Variants in C6 observed in about 807,000 individuals in gnomAD.
The protein encoded by C6 is complement component C6.
A neutral mutation model predicts 112.9 loss-of-function variants in C6; 101 were observed. That is an observed-to-expected ratio of 0.89 (90% CI 0.76 to 1.06). C6 has a LOEUF of 1.06. C6 is among the 50% of genes least tolerant of loss of function. C6 has a pLI of 0.00. For missense variants in C6, 1,202 were observed against 1,104.6 expected (o/e 1.09, Z -1.25); for synonymous variants, 431 against 384.1 (o/e 1.12, Z -1.43).
intron 1 of C6, among the ~76,000 whole-genome samples, chr5:41,240,641 G>T (rs1740646727): frequency 6.6e-6 from 1 of 152,178 alleles, no homozygotes; most frequent in South Asian, 2.1e-4. Flanking sequence ...GGACTGCACA[G>T]ATACCAGCAG....
At chr5:41,210,522 A>G (rs1486415582) in intron 1 of C6, among the ~76,000 whole-genome samples, 1 of 151,478 alleles carries the variant, frequency 6.6e-6, no homozygotes, top group African/African-American at 2.4e-5. Flanking sequence ...AATTTACAAG[A>G]AAAAATCAAA....
chr5:41,171,108 G>T (rs900859828), intron 9 of C6, among the ~76,000 whole-genome samples: 7 of 152,104 alleles, frequency 4.6e-5, no homozygotes, highest in African/African-American at 1.7e-4. Flanking sequence ...ATCCAGGTTG[G>T]AAATACTGAA....
intron 1 of C6, among the ~76,000 whole-genome samples, chr5:41,242,244 G>A (rs1740757287): frequency 1.3e-5 from 2 of 152,098 alleles, no homozygotes; most frequent in Admixed American, 1.3e-4. Context: ...CATGGGGGCG[G>A]TTTCCCCCAT....
intron 1 of C6, among the ~76,000 whole-genome samples, chr5:41,236,875 T>C (rs1195272310): frequency 2.2e-5 from 3 of 135,954 alleles, no homozygotes; most frequent in African/African-American, 8.5e-5. Context: ...ATAGACACAA[T>C]AAAAAATGAT....
chr5:41,215,012 C>G (rs1752147983), upstream of C6, among the ~76,000 whole-genome samples: 1 of 152,130 alleles, frequency 6.6e-6, no homozygotes, highest in Non-Finnish European at 1.5e-5. Flanking sequence ...AACTAAGAAT[C>G]TAGAATCTTT....
chr5:41,239,873 C>T (rs1006449541), intron 1 of C6, among the ~76,000 whole-genome samples: 8 of 152,222 alleles, frequency 5.3e-5, no homozygotes, highest in South Asian at 2.1e-4. Context: ...GGTAACTTTG[C>T]TGGATATAGT....
At position 41,153,853 on chromosome 5, in the gene C6, A is replaced by T. The variant is rs756694997; in HGVS notation, c.2247T>A (p.Asn749Lys). The change falls in exon 15 of 18, where the codon AAT (asparagine) becomes AAA (lysine). Residue 749 changes from asparagine (N) to lysine (K), a missense_variant. By Grantham distance (94) the Asn-to-Lys change is moderately conservative. Transcript: ENST00000337836. ...AGTTTGAAATGGGTGGTGTCCAGGA[A>T]TTCCCCTGGCATGTGTACCTTGATG... ...AGPSRYTCQG[N>K]SWTPPISNSL... 6.2e-7 allele frequency: 1 copy of T among 1,613,574 alleles called. No homozygotes were observed. Among genetic ancestry groups the T allele is most frequent in the Non-Finnish European group, 8.5e-7 (1 of 1,179,760 alleles).
intron 1 of C6, among the ~76,000 whole-genome samples, chr5:41,242,307 G>T (rs372551958): frequency 2.0e-5 from 3 of 152,054 alleles, no homozygotes; most frequent in South Asian, 2.1e-4. Flanking sequence ...TCTTATAAGC[G>T]TCTGGCATTT....
intron 12 of C6, 127 bp from the exon 13 acceptor site, chr5:41,158,912 C>A (rs1747194532): frequency 1.0e-5 from 11 of 1,051,982 alleles, no homozygotes; most frequent in Non-Finnish European, 1.6e-5. Flanking sequence ...AAACATTACA[C>A]ACAGAAAAAG....
chr5:41,175,733 T>C (rs191387856), intron 8 of C6, among the ~76,000 whole-genome samples: 13 of 152,290 alleles, frequency 8.5e-5, no homozygotes, highest in African/African-American at 3.1e-4. Flanking sequence ...CAAAACCAAG[T>C]CAAGAGCAGA....
At chr5:41,244,066 C>A (rs1448891749) in intron 1 of C6, among the ~76,000 whole-genome samples, 1 of 152,182 alleles carries the variant, frequency 6.6e-6, no homozygotes, top group Non-Finnish European at 1.5e-5. Flanking sequence ...GACTCAGGAC[C>A]TGCTTTTGAG....
rs1752066991 is a variant in C6 at position 41,213,449 on chromosome 5, A to G, written c.-94T>C. On this transcript the variant is annotated 5_prime_UTR_variant, in exon 1 of 18. Transcript: ENST00000337836. ...GGGAAAAAATAGGTATGCAGAATGA[A>G]GAGGGTATATATGTTAATCCAAACA... 2 of 985,410 alleles carry G rather than the reference A, an allele frequency of 2.0e-6. No homozygotes were observed. The highest frequency in any genetic ancestry group is 3.5e-5 in the African/African-American group (2 of 57,376). The allele number at this position is 985,410 out of a possible 1,614,324, so 61.0% of individuals were successfully genotyped here.
At chr5:41,227,929 T>C (rs1429415281) in intron 1 of C6, among the ~76,000 whole-genome samples, 1 of 152,182 alleles carries the variant, frequency 6.6e-6, no homozygotes, top group Non-Finnish European at 1.5e-5. Context: ...CTCTTTTGGC[T>C]AAAGATTACT....
intron 1 of C6, among the ~76,000 whole-genome samples, chr5:41,235,117 G>T (rs1181305902): frequency 7.3e-6 from 1 of 136,808 alleles, no homozygotes; most frequent in Non-Finnish European, 1.5e-5. Flanking sequence ...GGGTACATGT[G>T]CACATTGTGC....
intron 1 of C6, among the ~76,000 whole-genome samples, chr5:41,234,753 T>G (rs947582462): frequency 6.6e-6 from 1 of 152,174 alleles, no homozygotes; most frequent in African/African-American, 2.4e-5. Flanking sequence ...TAGTAACTTG[T>G]TAAATCAGCT....
intron 3 of C6, among the ~76,000 whole-genome samples, chr5:41,201,163 C>T (rs1014560848): frequency 2.5e-4 from 38 of 152,102 alleles, no homozygotes; most frequent in Middle Eastern, 6.8e-3. Context: ...CAAGCTACTA[C>T]GTTATGTATA....
chr5:41,164,545 A>C (rs1411756370), intron 9 of C6, among the ~76,000 whole-genome samples: 3 of 152,214 alleles, frequency 2.0e-5, no homozygotes, highest in Non-Finnish European at 4.4e-5. Flanking sequence ...TTCATTCTTC[A>C]GGTTTAGAAA....
At chr5:41,146,633 A>G (rs1745852210) in intron 17 of C6, among the ~76,000 whole-genome samples, 1 of 152,206 alleles carries the variant, frequency 6.6e-6, no homozygotes, top group African/African-American at 2.4e-5. Context: ...GAGTTTCCTG[A>G]TTGTGTGCAG....
intron 9 of C6, among the ~76,000 whole-genome samples, chr5:41,162,944 A>G (rs1747658054): frequency 6.6e-6 from 1 of 152,182 alleles, no homozygotes; most frequent in African/African-American, 2.4e-5. Context: ...GTACAGACTG[A>G]CAGTGGCTTC....
Sources: gnomAD v4.1 joint callset for allele counts (sites outside exome capture counted in the v4.1 genomes callset) on GRCh38, gnomAD v4.1.1 for gene constraint, MANE v1.5 for transcripts, NCBI Gene and HGNC (gene_info 2026-07-23, HGNC 2026-07-21) for gene names.